Variants in KCND3 observed in about 807,000 individuals in gnomAD.
KCND3 encodes the protein A-type voltage-gated potassium channel KCND3.
Under a neutral mutation model 51.1 loss-of-function variants are expected in KCND3, and 9 were observed. The ratio of observed to expected loss-of-function variants is 0.18; its 90% CI spans 0.11 to 0.31. The LOEUF is 0.31. Ranked by LOEUF, KCND3 falls within the 10% of genes least tolerant of loss-of-function variation. The pLI is 1.00. For synonymous variants in KCND3, 349 were observed against 368.0 expected (o/e 0.95, Z 0.59); for missense variants, 526 against 903.8 (o/e 0.58, Z 5.36).
chr1:111,885,444 AAAC>A (rs1188893967), intron 2 of KCND3, among the ~76,000 whole-genome samples: 1 of 152,250 alleles, frequency 6.6e-6, no homozygotes, highest in Non-Finnish European at 1.5e-5. Flanking sequence ...TTGTTAGTGA[AAAC>A]AACAAGCTTC....
chr1:111,799,664 A>C (rs913716464), intron 2 of KCND3, among the ~76,000 whole-genome samples: 2 of 152,246 alleles, frequency 1.3e-5, no homozygotes, highest in Non-Finnish European at 2.9e-5. Context: ...AAAAGAGGTG[A>C]TCACTGTAGC....
intron 2 of KCND3, among the ~76,000 whole-genome samples, chr1:111,894,302 A>G (rs997071624): frequency 3.9e-5 from 6 of 152,008 alleles, no homozygotes; most frequent in African/African-American, 1.2e-4. Context: ...CTCCCCCTAG[A>G]ATGCTCTTTT....
At chr1:111,878,990 G>T (rs1390702018) in intron 2 of KCND3, among the ~76,000 whole-genome samples, 1 of 152,196 alleles carries the variant, frequency 6.6e-6, no homozygotes, top group East Asian at 1.9e-4. Flanking sequence ...TGACCCTCCT[G>T]CAAAGAAGAG....
chr1:111,917,976 G>A lies in KCND3; in HGVS notation c.1106+63645C>T, dbSNP rs139295563. 1.4e-4 allele frequency among the ~76,000 whole-genome samples: 21 copies of A among 152,370 alleles called. No homozygotes were observed. In the East Asian group the frequency reaches 3.9e-3, roughly 28 times the overall value. On this transcript the variant is annotated intron_variant, in intron 2 of 7. Transcript: ENST00000302127. ...CGAGGCACTGGGGATCCAGGATCCT[G>A]AGGATTTGCCTCTTTGCTTTTGTGA...
At chr1:111,901,599 A>C (rs1007958681) in intron 2 of KCND3, among the ~76,000 whole-genome samples, 2 of 152,204 alleles carry the variant, frequency 1.3e-5, no homozygotes, top group Non-Finnish European at 2.9e-5. Flanking sequence ...ACCTCATGAA[A>C]ATGGGTCAGG....
At chr1:111,894,681 C>A (rs1027009872) in intron 2 of KCND3, among the ~76,000 whole-genome samples, 9 of 152,188 alleles carry the variant, frequency 5.9e-5, no homozygotes, top group African/African-American at 2.2e-4. Flanking sequence ...CTGGGACTGG[C>A]GGAGGCTGCA....
intron 2 of KCND3, among the ~76,000 whole-genome samples, chr1:111,883,396 T>C (rs1335502844): frequency 6.6e-6 from 1 of 152,256 alleles, no homozygotes; most frequent in Non-Finnish European, 1.5e-5. Context: ...TCAGCTCTTA[T>C]CTCACCCGTC....
At chr1:111,858,218 T>C (rs981102984) in intron 2 of KCND3, among the ~76,000 whole-genome samples, 1 of 152,188 alleles carries the variant, frequency 6.6e-6, no homozygotes, top group African/African-American at 2.4e-5. Context: ...TATTAGAGTT[T>C]TTCTTAACTC....
intron 2 of KCND3, among the ~76,000 whole-genome samples, chr1:111,904,363 TG>T: frequency 6.6e-6 from 1 of 152,158 alleles, no homozygotes; most frequent in South Asian, 2.1e-4. Flanking sequence ...TGGGTGGGGT[TG>T]GGGGTTGGTG....
intron 2 of KCND3, among the ~76,000 whole-genome samples, chr1:111,814,434 A>C (rs1557953719): frequency 1.3e-5 from 2 of 152,186 alleles, no homozygotes; most frequent in South Asian, 4.1e-4. Flanking sequence ...AATCCACTAT[A>C]AGTAACACAC....
intron 2 of KCND3, among the ~76,000 whole-genome samples, chr1:111,881,051 C>T (rs1222870382): frequency 6.6e-6 from 1 of 152,204 alleles, no homozygotes; most frequent in Non-Finnish European, 1.5e-5. Context: ...CCCATCTCAG[C>T]TGCTGGCTCT....
chr1:111,811,727 T>C (rs1665859198), intron 2 of KCND3, among the ~76,000 whole-genome samples: 1 of 152,250 alleles, frequency 6.6e-6, no homozygotes, highest in Non-Finnish European at 1.5e-5. Context: ...GCCTTCATTA[T>C]TTTTAAAAAA....
At chr1:111,781,450 C>A (rs758639511) in intron 3 of KCND3, among the ~76,000 whole-genome samples, 16 of 152,128 alleles carry the variant, frequency 1.1e-4, no homozygotes, top group Non-Finnish European at 2.2e-4. Context: ...ACAGTAGGTT[C>A]TCGATTTTTA....
At chr1:111,959,474 C>G (rs1028478162) in intron 2 of KCND3, among the ~76,000 whole-genome samples, 48 of 152,158 alleles carry the variant, frequency 3.2e-4, no homozygotes, top group African/African-American at 1.1e-3. Context: ...ACTTCCTACC[C>G]TCATCAGGGA....
At chr1:111,971,306 A>AC (rs958600568) in intron 2 of KCND3, among the ~76,000 whole-genome samples, 2 of 151,978 alleles carry the variant, frequency 1.3e-5, no homozygotes, top group African/African-American at 4.8e-5. Flanking sequence ...AAAAAAAAAA[A>AC]AAAAAACACC....
At chr1:111,809,463 C>T (rs1399683196) in intron 2 of KCND3, among the ~76,000 whole-genome samples, 3 of 152,072 alleles carry the variant, frequency 2.0e-5, no homozygotes, top group African/African-American at 4.8e-5. Context: ...CGCCCACCAC[C>T]ACACCCGGCT....
intron 2 of KCND3, among the ~76,000 whole-genome samples, chr1:111,966,021 C>T (rs1032074677): frequency 1.7e-4 from 26 of 152,078 alleles, no homozygotes; most frequent in Non-Finnish European, 1.0e-4. Context: ...TGACTGGGAC[C>T]TCCCTACAAG....
intron 2 of KCND3, among the ~76,000 whole-genome samples, chr1:111,809,453 C>T (rs371297402): frequency 2.0e-5 from 3 of 152,094 alleles, no homozygotes; most frequent in Non-Finnish European, 1.5e-5. Flanking sequence ...GGACTACAGG[C>T]GCCCACCACC....
chr1:111,906,316 C>T (rs1398767417), intron 2 of KCND3, among the ~76,000 whole-genome samples: 1 of 152,190 alleles, frequency 6.6e-6, no homozygotes, highest in Non-Finnish European at 1.5e-5. Context: ...GCACCACCTC[C>T]TCTGCCTGGG....
Sources: allele counts gnomAD v4.1 joint callset (sites outside exome capture counted in the v4.1 genomes callset), GRCh38; gene constraint gnomAD v4.1.1; transcripts MANE v1.5; gene names NCBI Gene and HGNC (gene_info 2026-07-23, HGNC 2026-07-21).